Variants in BZW1 observed in about 807,000 individuals in gnomAD.
The protein encoded by BZW1 is eIF5-mimic protein 2.
A neutral mutation model predicts 54.1 loss-of-function variants in BZW1; 3 were observed. The ratio of observed to expected loss-of-function variants is 0.06; its 90% CI spans 0.03 to 0.14. The LOEUF (loss-of-function observed/expected upper bound fraction) is 0.14, where lower values mean the gene tolerates loss of function less well. BZW1 is among the 10% of genes least tolerant of loss of function. The probability of loss-of-function intolerance (pLI) is 1.00; values close to 1 mark genes in which losing one functional copy is unlikely to be tolerated. For missense variants in BZW1, 206 were observed against 491.7 expected, an observed-to-expected ratio of 0.42 and a Z score of 5.50; for synonymous variants, 152 against 162.7, an observed-to-expected ratio of 0.93 and a Z score of 0.50.
chr2:200,821,469 A>G (rs1412852977), intron 11 of BZW1, among the ~76,000 whole-genome samples, 164 bp downstream of exon 11: 1 of 152,210 alleles, frequency 6.6e-6, no homozygotes, highest in Non-Finnish European at 1.5e-5. Context: ...ATTATAGTAT[A>G]TTTATGGCTC....
rs568629348 is a variant in BZW1, at chr2:200,812,424, G to A, written c.-11+434G>A. On this transcript the variant is annotated intron_variant, in intron 1 of 11. Transcript: ENST00000409600. The stretch of plus-strand genomic sequence containing the variant: ...GGCGGGCGGATGTACGGGGCGCCTG[G>A]GGCCCCGGCGCAAAGCGCCTCAGTG... The A allele has an allele frequency of 3.3e-4, 430 of 1,283,806 alleles. 5 individuals are homozygous for A. The East Asian group carries it at 0.013, about 40-fold the overall frequency. 79.5% of individuals were successfully genotyped at this position (1,283,806 alleles called of 1,614,324 possible). A position where few individuals can be genotyped will look rare whatever the true frequency, so the allele number is the denominator to read the frequency against.
In BZW1 at chr2:200,815,332, T is replaced by TC. The variant is rs2038246556; in HGVS notation, c.65-3dup. The TC allele has an allele frequency of 6.3e-7, 1 of 1,584,804 alleles. No individual in the cohort carries two copies. The highest frequency in any genetic ancestry group is 1.4e-5 in the African/African-American group (1 of 73,490). ...AAAACTAAATGTTTTGGGTCCCTTG[T>TC]CCCCCCAGATGAAAAAGAGAGGTTT... On this transcript the variant is annotated splice_polypyrimidine_tract_variant and intron_variant, in intron 2 of 11. Coordinates refer to ENST00000409600, the MANE Select transcript of BZW1 (RefSeq NM_001207067.2).
At position 200,824,102 on chromosome 2, in the gene BZW1, A is replaced by G. The variant is rs548299065; in HGVS notation, c.*1924A>G. The G allele has an allele frequency of 6.6e-6, 1 of 152,154 alleles. No homozygotes were observed. The highest frequency in any genetic ancestry group is 3.4e-3 in the Middle Eastern group (1 of 294). 9.4% of individuals were successfully genotyped at this position (152,154 alleles called of 1,614,324 possible). On this transcript the variant is annotated 3_prime_UTR_variant, in exon 12 of 12. Coordinates refer to ENST00000409600, the MANE Select transcript of BZW1 (RefSeq NM_001207067.2). ...AAAGTGTGTCATCTTCCAGAACTAC[A>G]TTATTATCTTTGATCGTAGTTTGTT... is the stretch of plus-strand genomic sequence containing the variant.
chr2:200,817,909 TA>T (rs960456246), intron 6 of BZW1, 64 bp from the exon 7 acceptor site: 5 of 1,132,764 alleles, frequency 4.4e-6, no homozygotes, highest in Non-Finnish European at 6.4e-6. Flanking sequence ...GGGAAGGATA[TA>T]GGGGGACACA....
At chr2:200,812,605 A>T (rs1362673241) in intron 1 of BZW1, 3 of 1,363,308 alleles carry the variant, frequency 2.2e-6, no homozygotes, top group Non-Finnish European at 1.9e-6. Context: ...AAGGGTGTGG[A>T]TTGGGAGACA....
chr2:200,816,065 A>G (rs1053671928), intron 4 of BZW1, among the ~76,000 whole-genome samples: 2 of 152,224 alleles, frequency 1.3e-5, no homozygotes, highest in Middle Eastern at 3.2e-3. Flanking sequence ...ATCTGCATAC[A>G]TTTATTTTTA....
upstream of BZW1, chr2:200,811,842 A>C: frequency 6.0e-6 from 1 of 166,338 alleles, no homozygotes; most frequent in Non-Finnish European, 1.3e-5. Flanking sequence ...GGGCGGGGCA[A>C]GGGGAAGAAA....
In BZW1 at chr2:200,823,958, A is replaced by G. The variant is rs1309282558; in HGVS notation, c.*1780A>G. 1.7e-4 allele frequency: 26 copies of G among 152,164 alleles called. No homozygotes were observed. Among genetic ancestry groups the G allele is most frequent in the Admixed American group, 1.7e-3 (26 of 15,268 alleles). The allele number at this position is 152,164 out of a possible 1,614,324, so 9.4% of individuals were successfully genotyped here. ...CCATTAAGTAATAATTAGACTCCCA[A>G]ACTGTAAACCACCTACACAGAATTC... On this transcript the variant is annotated 3_prime_UTR_variant, in exon 12 of 12. Transcript: ENST00000409600.
chr2:200,816,034 G>A (rs749306261), intron 4 of BZW1, among the ~76,000 whole-genome samples: 4 of 152,156 alleles, frequency 2.6e-5, no homozygotes, highest in Admixed American at 6.5e-5. Context: ...AGTCAGTTTC[G>A]TATTGTGATT....
chr2:200,826,075 G>A lies in BZW1; in HGVS notation c.*3897G>A, dbSNP rs558575417. On this transcript the variant is annotated 3_prime_UTR_variant, in exon 12 of 12. Transcript: ENST00000409600. Reference sequence around the variant, plus strand: ...AAGGTTTTCAGTGGACTTGATTTAAGTGGAATCTGGATGATGTGACAAGTA... The same window carrying A: ...AAGGTTTTCAGTGGACTTGATTTAAATGGAATCTGGATGATGTGACAAGTA... The A allele has an allele frequency of 1.2e-4, 18 of 152,288 alleles. No individual in the cohort carries two copies. Among genetic ancestry groups the A allele is most frequent in the African/African-American group, 3.6e-4 (15 of 41,554 alleles). 9.4% of individuals were successfully genotyped at this position (152,288 alleles called of 1,614,324 possible).
At chr2:200,812,575 G>T (rs2038115758) in intron 1 of BZW1, 2 of 1,409,336 alleles carry the variant, frequency 1.4e-6, no homozygotes, top group Non-Finnish European at 1.9e-6. Flanking sequence ...GTGATCTGTG[G>T]CTCGGGCGGG....
chr2:200,811,901 C>G (rs952335076), upstream of BZW1: 1 of 216,492 alleles, frequency 4.6e-6, no homozygotes, highest in African/African-American at 2.3e-5. Context: ...TCTCCCTCCT[C>G]CTGGCGTTAG....
chr2:200,818,230 T>C lies in BZW1; in HGVS notation c.656T>C (p.Phe219Ser). 6.4e-7 allele frequency: 1 copy of C among 1,572,670 alleles called. No homozygotes were observed. The change falls in exon 8 of 12, where the codon TTT becomes TCT. Residue 219 changes from phenylalanine to serine, a missense_variant. Physicochemically the swap from Phe to Ser is radical, Grantham distance 155 (BLOSUM62 -2). Transcript: ENST00000409600. ...GATAAATTCTTCTTTTAGGAACTCTTTCCTGCCAATAAGCAAAGTGTTGAA... is the reference window on the plus strand; with the variant it reads ...GATAAATTCTTCTTTTAGGAACTCTCTCCTGCCAATAAGCAAAGTGTTGAA... ...VSMDNRLMEL[F>S]PANKQSVEHF...
rs1559318421 is a variant in BZW1 at position 200,826,410 on chromosome 2, T to TGA, written c.*4232_*4233insGA. The stretch of plus-strand genomic sequence containing the variant: ...ATAGATAGATAGATAGATAGATATT[T>TGA]TTTTTTTTTTTTTTTTTTTTTTTTT... On this transcript the variant is annotated 3_prime_UTR_variant, in exon 12 of 12. Coordinates refer to ENST00000409600, the MANE Select transcript of BZW1 (RefSeq NM_001207067.2). 3.6e-5 allele frequency: 2 copies of TGA among 55,948 alleles called. No homozygotes were observed. The highest frequency in any genetic ancestry group is 1.7e-4 in the African/African-American group (2 of 12,096). 3.5% of individuals were successfully genotyped at this position (55,948 alleles called of 1,614,324 possible). A position where few individuals can be genotyped will look rare whatever the true frequency, so the allele number is the denominator to read the frequency against.
In BZW1 at chr2:200,817,249, G is replaced by T; in HGVS notation, c.538+8G>T. 6.2e-7 allele frequency: 1 copy of T among 1,611,774 alleles called. No homozygotes were observed. The highest frequency in any genetic ancestry group is 1.7e-4 in the Middle Eastern group (1 of 6,010). On this transcript the variant is annotated splice_region_variant and intron_variant, in intron 6 of 11. Transcript: ENST00000409600. ...AAAATTTGGTTAAAGAAGGTAATCA[G>T]CCTTAAAGGATGGTCTTCAGTTGAC...
At chr2:200,818,980 A>G (rs2038401647) in intron 9 of BZW1, 79 bp downstream of exon 9, 1 of 1,456,870 alleles carries the variant, frequency 6.9e-7, no homozygotes, top group Non-Finnish European at 9.1e-7. Context: ...TATTTTTCTA[A>G]GAGGATTTAT....
Position 200,812,972 on chromosome 2 carries a change from AAGT to A in BZW1, c.-10-232_-10-230del, listed in dbSNP as rs1438558087. ...ACTGTAGCACTACAATGTCGCTTAA[AAGT>A]AGTTCACAGCACTAATTTGAAGGGT... On this transcript the variant is annotated intron_variant, in intron 1 of 11. Coordinates refer to ENST00000409600, the MANE Select transcript of BZW1 (RefSeq NM_001207067.2). 1.0e-5 allele frequency: 7 copies of A among 685,252 alleles called. No homozygotes were observed. In the East Asian group the frequency reaches 1.7e-4, roughly 17 times the overall value. The allele number at this position is 685,252 out of a possible 1,614,324, so 42.4% of individuals were successfully genotyped here.
rs2038694872 is a variant in BZW1 at position 200,826,397 on chromosome 2, ATAGATAGATATTTTTTTTTT to A, written c.*4221_*4240del. 2 of 63,340 alleles carry A rather than the reference ATAGATAGATATTTTTTTTTT, an allele frequency of 3.2e-5. No homozygotes were observed. Among genetic ancestry groups the A allele is most frequent in the Admixed American group, 1.6e-4 (1 of 6,348 alleles). 3.9% of individuals were successfully genotyped at this position (63,340 alleles called of 1,614,324 possible). On this transcript the variant is annotated 3_prime_UTR_variant, in exon 12 of 12. Transcript: ENST00000409600. ...TATAGATAGATAGATAGATAGATAG[ATAGATAGATATTTTTTTTTT>A]TTTTTTTTTTTTTTTTTTTTTTTTT... is the stretch of plus-strand genomic sequence containing the variant.
intron 1 of BZW1, chr2:200,812,681 T>A: frequency 9.6e-7 from 1 of 1,040,486 alleles, no homozygotes. Context: ...CTGTTAGTTT[T>A]GCAGGCCTGA....
Sources: gnomAD v4.1 joint callset for allele counts (sites outside exome capture counted in the v4.1 genomes callset) on GRCh38, gnomAD v4.1.1 for gene constraint, MANE v1.5 for transcripts, NCBI Gene and HGNC (gene_info 2026-07-23, HGNC 2026-07-21) for gene names.